The following EFNA5 variants were observed in gnomAD, a reference collection of about 807,000 sequenced individuals.
EFNA5 encodes ephrin A5, also known as ephrin-A5.
In EFNA5, 5 loss-of-function variants were observed where a neutral mutation model predicts 22.9. The observed-to-expected ratio is 0.22, with a 90% CI of 0.11 to 0.46. The LOEUF is 0.46. Ranked by LOEUF, EFNA5 falls within the 20% of genes least tolerant of loss-of-function variation. The probability of loss-of-function intolerance (pLI) is 0.99; values close to 1 mark genes in which losing one functional copy is unlikely to be tolerated. For missense variants in EFNA5, 237 were observed against 293.3 expected, an observed-to-expected ratio of 0.81 and a Z score of 1.40; for synonymous variants, 113 against 112.2, an observed-to-expected ratio of 1.01 and a Z score of -0.04.
At position 107,378,190 on chromosome 5, in the gene EFNA5, T is replaced by G. The variant is rs1016891153; in HGVS notation, c.*3065A>C. 3 of 73,724 alleles carry G rather than the reference T, an allele frequency of 4.1e-5. No homozygotes were observed. The highest frequency in any genetic ancestry group is 2.4e-4 in the Admixed American group (2 of 8,270). 4.6% of individuals were successfully genotyped at this position (73,724 alleles called of 1,614,324 possible). ...ATAATACAGAATTTAAAGAACGCAG[T>G]TTTTTTTTTTTTTTTAATGTTTTAC... On this transcript the variant is annotated 3_prime_UTR_variant, in exon 5 of 5. Transcript: ENST00000333274.
chr5:107,410,486 T>A (rs1561374372), intron 2 of EFNA5, among the ~76,000 whole-genome samples: 1 of 152,298 alleles, frequency 6.6e-6, no homozygotes, highest in Non-Finnish European at 1.5e-5. Flanking sequence ...TAGTATACTT[T>A]AAATGTGAAT....
intron 1 of EFNA5, among the ~76,000 whole-genome samples, chr5:107,598,819 A>G (rs1334829947): frequency 3.3e-5 from 5 of 152,196 alleles, no homozygotes; most frequent in Non-Finnish European, 7.4e-5. Flanking sequence ...ATGAAATTTT[A>G]ATATTTCACT....
intron 2 of EFNA5, among the ~76,000 whole-genome samples, chr5:107,392,163 G>A (rs1351184726): frequency 6.6e-6 from 1 of 152,178 alleles, no homozygotes; most frequent in Non-Finnish European, 1.5e-5. Context: ...TCATGCTTGT[G>A]GCGGGCAGCT....
At chr5:107,537,888 G>A (rs1747960704) in intron 1 of EFNA5, among the ~76,000 whole-genome samples, 1 of 152,184 alleles carries the variant, frequency 6.6e-6, no homozygotes, top group African/African-American at 2.4e-5. Context: ...ATGGAAAGAA[G>A]CCAGATACAC....
intron 1 of EFNA5, among the ~76,000 whole-genome samples, chr5:107,455,798 C>T (rs1749685591): frequency 6.6e-6 from 1 of 152,114 alleles, no homozygotes; most frequent in Admixed American, 6.6e-5. Context: ...ATTCTTTCCA[C>T]TTTACTCAGT....
intron 1 of EFNA5, among the ~76,000 whole-genome samples, chr5:107,649,285 A>G (rs1051906499): frequency 2.0e-5 from 3 of 152,160 alleles, no homozygotes; most frequent in Non-Finnish European, 4.4e-5. Context: ...TTTTTAAAAG[A>G]TATTTTTTCA....
chr5:107,546,114 G>A (rs1195839465), intron 1 of EFNA5, among the ~76,000 whole-genome samples: 24 of 152,158 alleles, frequency 1.6e-4, no homozygotes, highest in Non-Finnish European at 1.5e-5. Flanking sequence ...GATATCAAAA[G>A]TTGTATTTTT....
At chr5:107,665,097 T>G (rs1435249597) in intron 1 of EFNA5, among the ~76,000 whole-genome samples, 1 of 152,212 alleles carries the variant, frequency 6.6e-6, no homozygotes, top group Non-Finnish European at 1.5e-5. Flanking sequence ...ATTTTTATTT[T>G]AATGCTTTCT....
intron 2 of EFNA5, among the ~76,000 whole-genome samples, chr5:107,417,831 G>A (rs1748542593): frequency 6.6e-6 from 1 of 152,110 alleles, no homozygotes; most frequent in African/African-American, 2.4e-5. Context: ...GATAATATAA[G>A]CCTGCTGTAA....
At chr5:107,427,017 AG>A in intron 2 of EFNA5, 199 bp downstream of exon 2, 1 of 591,872 alleles carries the variant, frequency 1.7e-6, no homozygotes, top group East Asian at 2.9e-5. Context: ...GTAATTTCAT[AG>A]GGGGAGACGC....
chr5:107,384,768 ATTT>A (rs61305329), intron 4 of EFNA5, among the ~76,000 whole-genome samples: 49,497 of 92,466 alleles, frequency 0.54, 12,239 homozygotes, highest in Non-Finnish European at 0.6. Context: ...CACACACCAC[ATTT>A]TTTTTTTTTT....
At position 107,604,786 on chromosome 5, in the gene EFNA5, C is replaced by T. The variant is rs144902947; in HGVS notation, c.125+65703G>A. ...AAATGTTTAAGCGCCCTACATGATT[C>T]TGATCTGCCCCACTAGGTCAAAAAT... On this transcript the variant is annotated intron_variant, in intron 1 of 4. Coordinates refer to ENST00000333274, the MANE Select transcript of EFNA5 (RefSeq NM_001962.3). Among the ~76,000 whole-genome samples, 190 of 152,226 alleles carry T rather than the reference C, an allele frequency of 1.2e-3. 1 individual carries two copies. The highest frequency in any genetic ancestry group is 4.4e-3 in the African/African-American group (181 of 41,518).
intron 1 of EFNA5, among the ~76,000 whole-genome samples, chr5:107,569,499 G>A (rs146056562): frequency 0.05 from 6,406 of 129,264 alleles, 556 homozygotes; most frequent in African/African-American, 0.18. Context: ...ATATATATGT[G>A]TATATATATT....
rs542634183 is a variant in EFNA5, at chr5:107,627,958, T to C, written c.125+42531A>G. Among the ~76,000 whole-genome samples the C allele has an allele frequency of 7.7e-4, 118 of 152,300 alleles. 1 individual carries two copies. Among genetic ancestry groups the C allele is most frequent in the Admixed American group, 2.4e-3 (36 of 15,296 alleles). ...ATTACTCAATGAGAATGAATTAAAA[T>C]AAAGCATCAAGATTAACTAGGCTAG... On this transcript the variant is annotated intron_variant, in intron 1 of 4. Transcript: ENST00000333274.
intron 2 of EFNA5, among the ~76,000 whole-genome samples, chr5:107,391,439 C>T (rs1580419368): frequency 6.6e-6 from 1 of 152,132 alleles, no homozygotes; most frequent in East Asian, 1.9e-4. Flanking sequence ...CCAGCAGCAA[C>T]TGGGACAGAA....
chr5:107,466,771 G>A (rs190529286), intron 1 of EFNA5, among the ~76,000 whole-genome samples: 228 of 152,248 alleles, frequency 1.5e-3, no homozygotes, highest in Non-Finnish European at 2.6e-3. Flanking sequence ...AGGCTTGAGC[G>A]TTTGGGGTGG....
chr5:107,500,473 A>G (rs1488257541), intron 1 of EFNA5, among the ~76,000 whole-genome samples: 8 of 152,160 alleles, frequency 5.3e-5, no homozygotes, highest in African/African-American at 1.9e-4. Flanking sequence ...GACCTGTCAT[A>G]TACTTGTCTC....
intron 1 of EFNA5, among the ~76,000 whole-genome samples, chr5:107,454,004 C>T (rs531610309): frequency 1.3e-5 from 2 of 151,886 alleles, no homozygotes; most frequent in African/African-American, 4.8e-5. Context: ...GAATGAATGC[C>T]AGATCAATAT....
chr5:107,493,395 G>C (rs153695), intron 1 of EFNA5, among the ~76,000 whole-genome samples: 15,767 of 151,926 alleles, frequency 0.1, 1,428 homozygotes, highest in East Asian at 0.38. Context: ...GAATGTGTGC[G>C]GTAACTGCAG....
Sources: gnomAD v4.1 joint callset for allele counts (sites outside exome capture counted in the v4.1 genomes callset) on GRCh38, gnomAD v4.1.1 for gene constraint, MANE v1.5 for transcripts, NCBI Gene and HGNC (gene_info 2026-07-23, HGNC 2026-07-21) for gene names.